DGKB: variants seen among roughly 807,000 people sequenced by gnomAD.
The protein encoded by DGKB is diacylglycerol kinase beta.
Under a neutral mutation model 114.3 loss-of-function variants are expected in DGKB, and 67 were observed. The observed-to-expected ratio is 0.59, with a 90% CI of 0.48 to 0.72. DGKB has a LOEUF of 0.72. DGKB is among the 30% of genes least tolerant of loss of function. The pLI is 0.00. For synonymous variants in DGKB, 398 were observed against 323.1 expected (o/e 1.23, Z -2.49); for missense variants, 907 against 975.2 (o/e 0.93, Z 0.93).
intron 7 of DGKB, among the ~76,000 whole-genome samples, chr7:14,699,007 T>C (rs1316442469): frequency 6.6e-6 from 1 of 151,962 alleles, no homozygotes; most frequent in Non-Finnish European, 1.5e-5. Flanking sequence ...TACTCAAATC[T>C]CTAATCTAAT....
intron 20 of DGKB, among the ~76,000 whole-genome samples, chr7:14,544,783 G>A (rs1010426393): frequency 6.6e-6 from 1 of 152,120 alleles, no homozygotes; most frequent in Admixed American, 6.5e-5. Flanking sequence ...AGGACAGGGT[G>A]TTAAATTCCT....
intron 4 of DGKB, among the ~76,000 whole-genome samples, chr7:14,749,801 T>C (rs1285904983): frequency 6.6e-6 from 1 of 152,192 alleles, no homozygotes; most frequent in Non-Finnish European, 1.5e-5. Context: ...AACCTTTGTA[T>C]ATATAATTTC....
intron 1 of DGKB, among the ~76,000 whole-genome samples, chr7:14,955,867 T>G (rs891030717): frequency 1.3e-5 from 2 of 151,990 alleles, no homozygotes; most frequent in African/African-American, 4.8e-5. Context: ...GACAGCGTAT[T>G]TGAAGGATCC....
chr7:14,551,302 A>G lies in DGKB; in HGVS notation c.1770+22910T>C, dbSNP rs189455248. ...GATTTCTACAGTTAACATAGACCCA[A>G]TTCTGATTTCAGAAGAACTAATGTG... is the stretch of plus-strand genomic sequence containing the variant. On this transcript the variant is annotated intron_variant, in intron 20 of 25. Coordinates refer to ENST00000402815, the MANE Select transcript of DGKB (RefSeq NM_001350709.2). Among the ~76,000 whole-genome samples the G allele has an allele frequency of 8.1e-4, 124 of 152,332 alleles. 1 individual carries two copies. The East Asian group carries it at 0.018, about 22-fold the overall frequency.
intron 20 of DGKB, among the ~76,000 whole-genome samples, chr7:14,481,440 T>C (rs1018180930): frequency 1.3e-5 from 2 of 151,904 alleles, no homozygotes; most frequent in Admixed American, 6.6e-5. Flanking sequence ...AAATGTAAAA[T>C]AGAGGTACCC....
At chr7:14,516,248 CA>C (rs565798751) in intron 20 of DGKB, among the ~76,000 whole-genome samples, 465 of 152,020 alleles carry the variant, frequency 3.1e-3, no homozygotes, top group African/African-American at 0.01. Flanking sequence ...GCAAATGAAA[CA>C]AAAAAGTAAA....
At position 14,740,445 on chromosome 7, in the gene DGKB, C is replaced by T. The variant is rs559864797; in HGVS notation, c.169-4251G>A. Reference sequence around the variant, plus strand: ...TAGGCCAGGACTCCAATTCACAGGACACCCTTTTCTCTCCCTTGTTTGAGA... The same window carrying T: ...TAGGCCAGGACTCCAATTCACAGGATACCCTTTTCTCTCCCTTGTTTGAGA... On this transcript the variant is annotated intron_variant, in intron 4 of 25. Coordinates refer to ENST00000402815, the MANE Select transcript of DGKB (RefSeq NM_001350709.2). 3.3e-5 allele frequency among the ~76,000 whole-genome samples: 5 copies of T among 152,256 alleles called. No homozygotes were observed. The South Asian group carries it at 1.0e-3, about 32-fold the overall frequency.
At chr7:14,944,684 T>C (rs1021585087) in intron 1 of DGKB, among the ~76,000 whole-genome samples, 23 of 98,842 alleles carry the variant, frequency 2.3e-4, no homozygotes, top group African/African-American at 1.1e-4. Flanking sequence ...TGACTGTGTG[T>C]GTGAGGAAGT....
At chr7:14,362,835 T>C (rs1815996147) in intron 21 of DGKB, among the ~76,000 whole-genome samples, 1 of 152,114 alleles carries the variant, frequency 6.6e-6, no homozygotes, top group Non-Finnish European at 1.5e-5. Flanking sequence ...GTTCTTCCCA[T>C]TCCTGTAAGC....
At chr7:14,548,814 G>C (rs186535728) in intron 20 of DGKB, among the ~76,000 whole-genome samples, 140 of 152,148 alleles carry the variant, frequency 9.2e-4, no homozygotes, top group African/African-American at 3.2e-3. Flanking sequence ...GAGAGTTCCA[G>C]ATACCCAGGG....
chr7:14,839,602 G>C (rs1847643481), intron 2 of DGKB, among the ~76,000 whole-genome samples: 1 of 151,190 alleles, frequency 6.6e-6, no homozygotes, highest in Admixed American at 6.6e-5. Context: ...GGGTCTCACT[G>C]TTTTGCCCAG....
intron 1 of DGKB, among the ~76,000 whole-genome samples, chr7:14,891,605 G>A (rs1781236585): frequency 6.6e-6 from 1 of 151,430 alleles, no homozygotes; most frequent in Admixed American, 6.6e-5. Context: ...GTAAAAGCAA[G>A]GGATACAGAG....
chr7:14,672,914 T>C lies in DGKB; in HGVS notation c.1134+15A>G, dbSNP rs754366341. 6.8e-7 allele frequency: 1 copy of C among 1,471,174 alleles called. No individual in the cohort carries two copies. Among genetic ancestry groups the C allele is most frequent in the Non-Finnish European group, 9.3e-7 (1 of 1,072,952 alleles). 91.1% of individuals were successfully genotyped at this position (1,471,174 alleles called of 1,614,324 possible). On this transcript the variant is annotated intron_variant, in intron 13 of 25. Coordinates refer to ENST00000402815, the MANE Select transcript of DGKB (RefSeq NM_001350709.2). Reference sequence around the variant, plus strand: ...GCAATCCTAAGTTATAGTAGAATGATAAGGAAAAACTCACCAGTACCACTG... The same window carrying C: ...GCAATCCTAAGTTATAGTAGAATGACAAGGAAAAACTCACCAGTACCACTG...
At chr7:14,216,211 T>TAAC (rs968809788) in intron 23 of DGKB, among the ~76,000 whole-genome samples, 1 of 152,176 alleles carries the variant, frequency 6.6e-6, no homozygotes, top group Admixed American at 6.5e-5. Flanking sequence ...TTTTCTACTT[T>TAAC]AACTTTTTAA....
At chr7:14,921,716 G>A (rs1437354973) in intron 1 of DGKB, among the ~76,000 whole-genome samples, 1 of 152,102 alleles carries the variant, frequency 6.6e-6, no homozygotes, top group East Asian at 1.9e-4. Context: ...GAAAACTTGG[G>A]CTAATGTGTT....
At chr7:14,751,891 A>G (rs374322625) in intron 4 of DGKB, among the ~76,000 whole-genome samples, 49 of 152,362 alleles carry the variant, frequency 3.2e-4, no homozygotes, top group African/African-American at 1.1e-3. Flanking sequence ...GAACTTTTCT[A>G]TGAAATCACA....
At chr7:14,465,977 C>T (rs1563244255) in intron 21 of DGKB, among the ~76,000 whole-genome samples, 1 of 151,814 alleles carries the variant, frequency 6.6e-6, no homozygotes, top group Admixed American at 6.6e-5. Context: ...TGGAAGTAGA[C>T]GTTTGCATGT....
chr7:14,439,243 T>C (rs1488113056), intron 21 of DGKB, among the ~76,000 whole-genome samples: 1 of 152,270 alleles, frequency 6.6e-6, no homozygotes, highest in East Asian at 1.9e-4. Context: ...TCTATTTCAG[T>C]AGAGAAGAAA....
In DGKB at chr7:14,592,862, T is replaced by C. The variant is rs578072993; in HGVS notation, c.1434-9725A>G. Among the ~76,000 whole-genome samples the C allele has an allele frequency of 1.3e-4, 20 of 152,024 alleles. No homozygotes were observed. The South Asian group carries it at 3.9e-3, about 30-fold the overall frequency. On this transcript the variant is annotated intron_variant, in intron 17 of 25. Transcript: ENST00000402815. Reference sequence around the variant, plus strand: ...TATAATAATATCCTCCAATCTAATATCTTATGTACTTTAGTTCAACAATAC... The same window carrying C: ...TATAATAATATCCTCCAATCTAATACCTTATGTACTTTAGTTCAACAATAC...
Sources: gnomAD v4.1 joint callset for allele counts (sites outside exome capture counted in the v4.1 genomes callset) on GRCh38, gnomAD v4.1.1 for gene constraint, MANE v1.5 for transcripts, NCBI Gene and HGNC (gene_info 2026-07-23, HGNC 2026-07-21) for gene names.